RIF1: variants seen among roughly 807,000 people sequenced by gnomAD.
The protein encoded by RIF1 is telomere-associated protein RIF1.
A neutral mutation model predicts 247.1 loss-of-function variants in RIF1; 45 were observed. The observed-to-expected ratio is 0.18, with a 90% CI of 0.14 to 0.23. The LOEUF (loss-of-function observed/expected upper bound fraction) is 0.23. Among genes scored for constraint, RIF1 ranks in the 10% least tolerant of loss-of-function variants. The probability of loss-of-function intolerance (pLI) is 1.00; values close to 1 mark genes in which losing one functional copy is unlikely to be tolerated. For missense variants in RIF1, 2,967 were observed against 2,862.5 expected (o/e 1.04, Z -0.83); for synonymous variants, 1,087 against 978.8 (o/e 1.11, Z -2.06).
rs748055413 is a variant in RIF1 at position 151,465,375 on chromosome 2, C to G, written c.5855C>G (p.Ser1952Cys). Reference sequence around the variant, plus strand: ...GAAGAAAATAAAAGAAATGATGACTCTGAAGCAGACACAGCTAAACTGAAT... The same window carrying G: ...GAAGAAAATAAAAGAAATGATGACTGTGAAGCAGACACAGCTAAACTGAAT... Reference protein sequence around the residue: ...AIEENKRNDDSEADTAKLNAK... With the variant: ...AIEENKRNDDCEADTAKLNAK... The change falls in exon 30 of 36, where the codon TCT becomes TGT. Residue 1952 changes from serine to cysteine, a missense_variant. By Grantham distance (112) the Ser-to-Cys change is moderately radical. Coordinates refer to ENST00000444746, the MANE Select transcript of RIF1 (RefSeq NM_018151.5). The G allele has an allele frequency of 1.2e-6, 2 of 1,613,532 alleles. No individual in the cohort carries two copies. Among genetic ancestry groups the G allele is most frequent in the African/African-American group, 2.7e-5 (2 of 74,862 alleles).
At chr2:151,473,600 T>C (rs2048746116) in intron 34 of RIF1, among the ~76,000 whole-genome samples, 1 of 152,126 alleles carries the variant, frequency 6.6e-6, no homozygotes, top group African/African-American at 2.4e-5. Context: ...GTTCTTTTTT[T>C]TAAAAAAATT....
intron 9 of RIF1, among the ~76,000 whole-genome samples, chr2:151,432,115 T>C (rs1234759875): frequency 6.6e-6 from 1 of 151,972 alleles, no homozygotes; most frequent in Non-Finnish European, 1.5e-5. Context: ...TCCAAGCGAG[T>C]CTCCTGCCTT....
chr2:151,468,706 C>G lies in RIF1; in HGVS notation c.6891C>G (p.Asn2297Lys). The G allele has an allele frequency of 6.2e-7, 1 of 1,613,910 alleles. No individual in the cohort carries two copies. The highest frequency in any genetic ancestry group is 8.5e-7 in the Non-Finnish European group (1 of 1,179,810). Residue 2297 changes from asparagine (N) to lysine (K), a missense_variant, in exon 33 of 36, where the codon AAC (asparagine) becomes AAG (lysine). This residue lies in a region of RIF1 where 2,028 missense variants were observed against 1,825.6 expected (regional missense o/e 1.11). Coordinates refer to ENST00000444746, the MANE Select transcript of RIF1 (RefSeq NM_018151.5). The stretch of plus-strand genomic sequence containing the variant: ...AAAGTGTTTACCCACCATTGGTGAA[C>G]TGTGTGGCACCAGTTGACATCATTT... ...PTESVYPPLVNCVAPVDIILP... is the reference protein window; with the variant it reads ...PTESVYPPLVKCVAPVDIILP...
intron 27 of RIF1, 85 bp downstream of exon 27, chr2:151,461,374 C>T (rs1696127329): frequency 1.6e-6 from 2 of 1,230,704 alleles, no homozygotes; most frequent in Non-Finnish European, 2.3e-6. Flanking sequence ...GTGTTTAGAA[C>T]TAAAATATGT....
chr2:151,489,404 A>C (rs546421187), intron 9 of RIF1, among the ~76,000 whole-genome samples: 1 of 152,172 alleles, frequency 6.6e-6, no homozygotes, highest in African/African-American at 2.4e-5. Flanking sequence ...ACATCTATAC[A>C]TTCTTGATTT....
At chr2:151,471,573 C>T (rs983278067) in intron 34 of RIF1, among the ~76,000 whole-genome samples, 3 of 152,214 alleles carry the variant, frequency 2.0e-5, no homozygotes, top group Non-Finnish European at 4.4e-5. Flanking sequence ...GATCCAGTTT[C>T]AGCTTTCTAC....
intron 18 of RIF1, 58 bp downstream of exon 18, chr2:151,443,767 A>G (rs1292076367): frequency 2.9e-6 from 3 of 1,049,434 alleles, no homozygotes; most frequent in East Asian, 2.8e-5. Context: ...TTGTTAGTGC[A>G]GTTGGGGAAA....
chr2:151,518,192 C>A, the RIF1 span: 1 of 734,344 alleles, frequency 1.4e-6, no homozygotes, highest in Non-Finnish European at 2.5e-6. Flanking sequence ...AAAAAGTTAC[C>A]AGATTCAAAA....
the RIF1 span, chr2:151,526,882 T>G: frequency 2.1e-6 from 3 of 1,395,618 alleles, no homozygotes; most frequent in Non-Finnish European, 3.0e-6. Flanking sequence ...TGGCCCTGAG[T>G]GAGGTTAGGC....
chr2:151,420,734 C>CAAA (rs35285535), intron 7 of RIF1, among the ~76,000 whole-genome samples: 52 of 111,784 alleles, frequency 4.7e-4, no homozygotes, highest in African/African-American at 1.4e-3. Context: ...GACCCTGTCT[C>CAAA]AAAAAAAAAA....
At chr2:151,485,210 A>C (rs2049519848), downstream of RIF1, 1 of 152,236 alleles carries the variant, frequency 6.6e-6, no homozygotes, top group South Asian at 2.1e-4. Flanking sequence ...GTCTACTCTT[A>C]GGCATAACAG....
chr2:151,450,277 A>T (rs566708968), intron 20 of RIF1, among the ~76,000 whole-genome samples: 11 of 152,118 alleles, frequency 7.2e-5, no homozygotes, highest in Admixed American at 3.3e-4. Context: ...ATCAGAGAGG[A>T]TCATCTAGGA....
At chr2:151,521,864 C>G in the RIF1 span, among the ~76,000 whole-genome samples, 1 of 152,116 alleles carries the variant, frequency 6.6e-6, no homozygotes, top group Non-Finnish European at 1.5e-5. Context: ...TTTGGCCTTC[C>G]TTTTTGACTG....
intron 3 of RIF1, among the ~76,000 whole-genome samples, chr2:151,414,034 A>G (rs978170037): frequency 2.0e-5 from 3 of 152,194 alleles, no homozygotes; most frequent in Admixed American, 6.5e-5. Flanking sequence ...ATTGACAGCC[A>G]GGCACGGTGG....
Position 151,456,578 on chromosome 2 carries a change from G to A in RIF1, c.2610G>A (p.Lys870=). ...TGGTATTCTATTTTATCCTTCCTAGGCTTGATGAAGTTCCTAAAGTATATA... is the reference window on the plus strand; with the variant it reads ...TGGTATTCTATTTTATCCTTCCTAGACTTGATGAAGTTCCTAAAGTATATA... The part of the protein sequence containing the change: ...RPLALFYENS[K]LDEVPKVYSC... Residue 870 remains lysine, a splice_region_variant and synonymous_variant, in exon 23 of 36, where the codon AAG becomes AAA. Coordinates refer to ENST00000444746, the MANE Select transcript of RIF1 (RefSeq NM_018151.5). The A allele has an allele frequency of 6.6e-7, 1 of 1,509,252 alleles. No individual in the cohort carries two copies. Among genetic ancestry groups the A allele is most frequent in the Non-Finnish European group, 9.1e-7 (1 of 1,093,360 alleles). 93.5% of individuals were successfully genotyped at this position (1,509,252 alleles called of 1,614,324 possible).
chr2:151,493,578 C>T (rs536694687), intron 9 of RIF1: 61 of 735,930 alleles, frequency 8.3e-5, no homozygotes, highest in East Asian at 2.5e-4. Context: ...TAAAATGTTA[C>T]GGTAGGAAGC....
exon 12 of RIF1, chr2:151,503,095 A>G: frequency 1.7e-6 from 1 of 586,904 alleles, no homozygotes; most frequent in Non-Finnish European, 3.0e-6. Flanking sequence ...GAAAGCATTA[A>G]GTTATATAAC....
chr2:151,450,451 T>C (rs554153191), intron 20 of RIF1, among the ~76,000 whole-genome samples: 2 of 152,208 alleles, frequency 1.3e-5, no homozygotes, highest in African/African-American at 4.8e-5. Context: ...CATTAGAGAT[T>C]AATGACTACT....
downstream of RIF1, chr2:151,485,722 C>G (rs374505298): frequency 1.1e-5 from 17 of 1,559,362 alleles, no homozygotes; most frequent in African/African-American, 2.3e-4. Flanking sequence ...ACTGCAGGAT[C>G]TGTAAGTCCT....
Sources: allele counts gnomAD v4.1 joint callset (sites outside exome capture counted in the v4.1 genomes callset), GRCh38; gene constraint gnomAD v4.1.1; regional missense constraint gnomAD v4.1.1; transcripts MANE v1.5; gene names NCBI Gene and HGNC (gene_info 2026-07-23, HGNC 2026-07-21).